The following PCDH9 variants were observed in gnomAD, a reference collection of about 807,000 sequenced individuals.
PCDH9 encodes protocadherin 9.
In PCDH9, 24 loss-of-function variants were observed where a neutral mutation model predicts 70.6. The observed-to-expected ratio is 0.34, with a 90% CI of 0.25 to 0.48. The LOEUF is 0.48. Among genes scored for constraint, PCDH9 ranks in the 20% least tolerant of loss-of-function variants. The probability of loss-of-function intolerance (pLI) is 0.99; values close to 1 mark genes in which losing one functional copy is unlikely to be tolerated. For missense variants in PCDH9, 1,281 were observed against 1,503.6 expected (o/e 0.85, Z 2.45); for synonymous variants, 562 against 558.5 (o/e 1.01, Z -0.09).
At chr13:66,853,201 CAATAATAAT>C (rs71207610) in intron 3 of PCDH9, among the ~76,000 whole-genome samples, 1 of 145,834 alleles carries the variant, frequency 6.9e-6, no homozygotes, top group South Asian at 2.2e-4. Flanking sequence ...TGAATAGTAG[CAATAATAAT>C]AATAATAATA....
rs58852431 is a variant in PCDH9 at position 66,700,923 on chromosome 13, AATATATATATATATATAT to A, written c.3139-69530_3139-69513del. Among the ~76,000 whole-genome samples, 489 of 58,470 alleles carry A rather than the reference AATATATATATATATATAT, an allele frequency of 8.4e-3. 19 individuals carry two copies. The South Asian group carries it at 0.095, about 11-fold the overall frequency. The allele number at this position is 58,470 out of a possible 152,430, so 38.4% of individuals were successfully genotyped here. A position where few individuals can be genotyped will look rare whatever the true frequency, so the allele number is the denominator to read the frequency against. On this transcript the variant is annotated intron_variant, in intron 3 of 4. Transcript: ENST00000377865. Reference sequence around the variant, plus strand: ...ATGAAAATATATGTGTGTACATATAAATATATATATATATATATATATATATATATATATATATATATA... The same window carrying A: ...ATGAAAATATATGTGTGTACATATAAATATATATATATATATATATATATA...
intron 4 of PCDH9, among the ~76,000 whole-genome samples, chr13:66,434,476 T>G (rs1025786436): frequency 6.6e-6 from 1 of 152,046 alleles, no homozygotes; most frequent in Non-Finnish European, 1.5e-5. Context: ...CTCTAAAATA[T>G]GGTACATTAA....
chr13:66,456,763 TGTTTA>T (rs1958325283), intron 4 of PCDH9, among the ~76,000 whole-genome samples: 1 of 152,138 alleles, frequency 6.6e-6, no homozygotes, highest in Non-Finnish European at 1.5e-5. Context: ...AATTCTTTCT[TGTTTA>T]GTTTGAATAC....
intron 2 of PCDH9, among the ~76,000 whole-genome samples, chr13:67,081,718 A>T (rs1385950013): frequency 6.6e-6 from 1 of 152,166 alleles, no homozygotes; most frequent in Non-Finnish European, 1.5e-5. Flanking sequence ...ATGTACTGCA[A>T]ATCTTCTGTT....
intron 4 of PCDH9, among the ~76,000 whole-genome samples, chr13:66,410,318 A>G (rs1387114301): frequency 6.6e-6 from 1 of 152,166 alleles, no homozygotes. Flanking sequence ...ACAGTGATCA[A>G]ACCTATAGCA....
intron 4 of PCDH9, among the ~76,000 whole-genome samples, chr13:66,490,641 A>AGGT (rs1285227399): frequency 6.6e-6 from 1 of 151,948 alleles, no homozygotes; most frequent in Non-Finnish European, 1.5e-5. Context: ...TTAATAGGTG[A>AGGT]GGTGGTGGTC....
chr13:66,704,202 C>G (rs1020851106), intron 3 of PCDH9, among the ~76,000 whole-genome samples: 3 of 152,150 alleles, frequency 2.0e-5, no homozygotes, highest in Non-Finnish European at 2.9e-5. Flanking sequence ...AAACAACAAG[C>G]TTGTTCATAC....
In PCDH9 at chr13:66,547,933, A is replaced by AAT. The variant is rs1290011706; in HGVS notation, c.3340+83275_3340+83276dup. On this transcript the variant is annotated intron_variant, in intron 4 of 4. Transcript: ENST00000377865. ...AATATATTTAATCATATTATATAAT[A>AAT]ATATATATATTTAATTATAAAATAG... 2.0e-5 allele frequency among the ~76,000 whole-genome samples: 3 copies of AAT among 147,588 alleles called. No homozygotes were observed. The Admixed American group carries it at 2.0e-4, about 10-fold the overall frequency.
In PCDH9 at chr13:66,870,098, T is replaced by C. The variant is rs1212598727; in HGVS notation, c.3138+33406A>G. ...TTAATCCATCTTGAATTAACTTTTG[T>C]ATAAGGTGTAAGGAAGGGATCCAGT... is the stretch of plus-strand genomic sequence containing the variant. On this transcript the variant is annotated intron_variant, in intron 3 of 4. Transcript: ENST00000377865. Among the ~76,000 whole-genome samples, 10 of 152,280 alleles carry C rather than the reference T, an allele frequency of 6.6e-5. No homozygotes were observed. The South Asian group carries it at 1.7e-3, about 25-fold the overall frequency.
intron 3 of PCDH9, among the ~76,000 whole-genome samples, chr13:66,784,964 G>A (rs984029302): frequency 6.6e-6 from 1 of 151,830 alleles, no homozygotes; most frequent in Non-Finnish European, 1.5e-5. Flanking sequence ...TTCTGCATAC[G>A]ATCCTTCCCT....
intron 2 of PCDH9, among the ~76,000 whole-genome samples, chr13:67,103,985 A>G (rs2086486016): frequency 6.6e-6 from 1 of 152,188 alleles, no homozygotes; most frequent in Non-Finnish European, 1.5e-5. Flanking sequence ...CCCTTAAATA[A>G]TAAGTAGCTC....
chr13:66,393,798 T>C (rs558539899), intron 4 of PCDH9, among the ~76,000 whole-genome samples: 3 of 152,308 alleles, frequency 2.0e-5, no homozygotes, highest in Non-Finnish European at 4.4e-5. Flanking sequence ...CAGTGCACTG[T>C]AAGCTGTCGA....
intron 2 of PCDH9, among the ~76,000 whole-genome samples, chr13:66,993,158 C>G (rs1002410915): frequency 1.3e-5 from 2 of 151,970 alleles, no homozygotes; most frequent in Admixed American, 1.3e-4. Context: ...AAAGAATTTC[C>G]CACTAAAAAT....
Position 66,313,457 on chromosome 13 carries a change from G to C in PCDH9, c.3341-8429C>G, listed in dbSNP as rs143532623. 1.6e-3 allele frequency among the ~76,000 whole-genome samples: 247 copies of C among 152,292 alleles called. 3 individuals are homozygous for C. The highest frequency in any genetic ancestry group is 5.6e-3 in the African/African-American group (234 of 41,574). ...AAAGTGCAGACTAAGGTGTTAAGCA[G>C]TGAAGTAATAATACTTTAGAGATTA... On this transcript the variant is annotated intron_variant, in intron 4 of 4. Coordinates refer to ENST00000377865, the MANE Select transcript of PCDH9 (RefSeq NM_203487.3).
At position 66,341,239 on chromosome 13, in the gene PCDH9, C is replaced by T. The variant is rs56834096; in HGVS notation, c.3341-36211G>A. Among the ~76,000 whole-genome samples the T allele has an allele frequency of 7.6e-3, 1,160 of 151,990 alleles. 16 individuals carry two copies. Among genetic ancestry groups the T allele is most frequent in the African/African-American group, 0.026 (1,086 of 41,454 alleles). ...TCCCCCGTAGCTGGGACTACAATCACGCATCACCTCAGCCAGCTAATGTTT... is the reference window on the plus strand; with the variant it reads ...TCCCCCGTAGCTGGGACTACAATCATGCATCACCTCAGCCAGCTAATGTTT... On this transcript the variant is annotated intron_variant, in intron 4 of 4. Transcript: ENST00000377865.
intron 2 of PCDH9, among the ~76,000 whole-genome samples, chr13:67,172,269 C>T (rs575785648): frequency 3.3e-5 from 5 of 152,290 alleles, no homozygotes; most frequent in Non-Finnish European, 7.3e-5. Context: ...CACTTTTCTG[C>T]TTAGCCAAGG....
intron 4 of PCDH9, among the ~76,000 whole-genome samples, chr13:66,533,019 A>G (rs1341442970): frequency 2.6e-5 from 4 of 152,164 alleles, no homozygotes; most frequent in Admixed American, 1.3e-4. Flanking sequence ...TCTTAGCAAC[A>G]CATCTTTCTG....
chr13:67,128,508 C>T (rs937084959), intron 2 of PCDH9, among the ~76,000 whole-genome samples: 3 of 152,098 alleles, frequency 2.0e-5, no homozygotes, highest in African/African-American at 7.2e-5. Flanking sequence ...GGTTAATCAA[C>T]GTTATGGCAG....
intron 4 of PCDH9, among the ~76,000 whole-genome samples, chr13:66,528,666 C>T (rs1960314577): frequency 6.6e-6 from 1 of 152,106 alleles, no homozygotes; most frequent in Non-Finnish European, 1.5e-5. Flanking sequence ...AGTATTACTT[C>T]AGCACAGCAA....
Sources: gnomAD v4.1 joint callset for allele counts (sites outside exome capture counted in the v4.1 genomes callset) on GRCh38, gnomAD v4.1.1 for gene constraint, MANE v1.5 for transcripts, NCBI Gene and HGNC (gene_info 2026-07-23, HGNC 2026-07-21) for gene names.